The following NBAS variants were observed in gnomAD, a reference collection of about 807,000 sequenced individuals.
NBAS encodes the protein NAG/BC035112 fusion.
Under a neutral mutation model 302.5 loss-of-function variants are expected in NBAS, and 219 were observed. The observed-to-expected ratio is 0.72, with a 90% CI of 0.65 to 0.81. The LOEUF is 0.81. Among genes scored for constraint, NBAS ranks in the 30% least tolerant of loss-of-function variants. The pLI is 0.00. For synonymous variants in NBAS, 1,118 were observed against 1,021.6 expected, an observed-to-expected ratio of 1.09 and a Z score of -1.80; for missense variants, 2,932 against 2,841.6, an observed-to-expected ratio of 1.03 and a Z score of -0.72.
At chr2:14,793,916 T>TG in the NBAS span, among the ~76,000 whole-genome samples, 11 of 151,994 alleles carry the variant, frequency 7.2e-5, no homozygotes, top group Admixed American at 4.6e-4. Context: ...ACGAGTACCG[T>TG]GAAAAAAAAT....
intron 41 of NBAS, 45 bp downstream of exon 41, chr2:15,292,492 T>C (rs1424458594): frequency 6.3e-7 from 1 of 1,581,306 alleles, no homozygotes; most frequent in Non-Finnish European, 8.7e-7. Flanking sequence ...CTTATTCTTT[T>C]GCAGTTTAAA....
At chr2:15,477,219 C>A (rs991060599) in intron 13 of NBAS, among the ~76,000 whole-genome samples, 1 of 152,100 alleles carries the variant, frequency 6.6e-6, no homozygotes, top group Non-Finnish European at 1.5e-5. Flanking sequence ...GAACCTGATG[C>A]ATAATATTAA....
chr2:15,238,072 G>A (rs763374281), intron 45 of NBAS, among the ~76,000 whole-genome samples: 1 of 152,126 alleles, frequency 6.6e-6, no homozygotes, highest in Non-Finnish European at 1.5e-5. Flanking sequence ...ACCGCGCCCA[G>A]CCTATTTTTA....
At chr2:15,260,639 G>A (rs573278068) in intron 44 of NBAS, among the ~76,000 whole-genome samples, 1 of 152,210 alleles carries the variant, frequency 6.6e-6, no homozygotes, top group African/African-American at 2.4e-5. Flanking sequence ...GGTTGTAAAT[G>A]ACATTATGTT....
chr2:15,160,681 C>G, the NBAS span, among the ~76,000 whole-genome samples: 1 of 151,906 alleles, frequency 6.6e-6, no homozygotes, highest in Non-Finnish European at 1.5e-5. Context: ...AAGGGAATCC[C>G]CCATTGACCA....
intron 22 of NBAS, among the ~76,000 whole-genome samples, chr2:15,426,902 C>G (rs912198979): frequency 6.6e-6 from 1 of 152,078 alleles, no homozygotes; most frequent in South Asian, 2.1e-4. Flanking sequence ...TATCTAGAAA[C>G]CTCTTTTCAG....
the NBAS span, among the ~76,000 whole-genome samples, chr2:14,840,322 T>C: frequency 1.7e-3 from 264 of 152,096 alleles, no homozygotes; most frequent in African/African-American, 6.1e-3. Flanking sequence ...GAATTATTAG[T>C]GTCCAAGAGG....
chr2:15,202,486 C>T (rs1183697578), intron 48 of NBAS, among the ~76,000 whole-genome samples: 1 of 151,858 alleles, frequency 6.6e-6, no homozygotes. Flanking sequence ...TCATATAGTG[C>T]CATGTGACCC....
the NBAS span, among the ~76,000 whole-genome samples, chr2:15,149,167 C>T: frequency 6.6e-6 from 1 of 152,212 alleles, no homozygotes; most frequent in South Asian, 2.1e-4. Context: ...GCTTTGCCCT[C>T]ATGCATGATT....
At chr2:15,348,978 A>G (rs1389128818) in intron 35 of NBAS, among the ~76,000 whole-genome samples, 2 of 152,218 alleles carry the variant, frequency 1.3e-5, no homozygotes, top group Admixed American at 1.3e-4. Context: ...AAAATACTTC[A>G]TATGGAAGGG....
At chr2:14,993,432 C>G in the NBAS span, among the ~76,000 whole-genome samples, 2 of 152,210 alleles carry the variant, frequency 1.3e-5, no homozygotes, top group South Asian at 4.1e-4. Flanking sequence ...TCCCAAACCT[C>G]TCTTCTTTGC....
chr2:15,516,414 T>G (rs964422376), intron 9 of NBAS, among the ~76,000 whole-genome samples: 4 of 152,256 alleles, frequency 2.6e-5, no homozygotes, highest in African/African-American at 9.6e-5. Context: ...TCACTCAAAT[T>G]TGACCATATT....
chr2:14,965,235 C>T, the NBAS span, among the ~76,000 whole-genome samples: 1 of 151,980 alleles, frequency 6.6e-6, no homozygotes, highest in South Asian at 2.1e-4. Flanking sequence ...TAAAGCCAAT[C>T]AACGCAACTA....
the NBAS span, among the ~76,000 whole-genome samples, chr2:14,822,053 A>G: frequency 2.0e-5 from 3 of 151,638 alleles, no homozygotes; most frequent in Non-Finnish European, 3.0e-5. Flanking sequence ...AAAAAAATGT[A>G]ACATCCAAAA....
rs538592084 is a variant in NBAS, at chr2:15,402,249, T to G, written c.2990A>C (p.Glu997Ala). 1,101 of 1,613,648 alleles carry G rather than the reference T, an allele frequency of 6.8e-4. 23 individuals carry two copies. In the South Asian group the frequency reaches 0.011, roughly 17 times the overall value. ...DQDQLMAIALECIYTCERNDQ... is the reference protein window; with the variant it reads ...DQDQLMAIALACIYTCERNDQ... ...ATTTCGTTCACAGGTATAGATGCAC[T>G]CTAGTGCTATTGCCATCAGTTGGTC... The change falls in exon 26 of 52, where the codon GAG (glutamate) becomes GCG (alanine). Residue 997 changes from glutamate to alanine, a missense_variant. Transcript: ENST00000281513.
chr2:15,292,968 C>T (rs1488693074), intron 40 of NBAS, among the ~76,000 whole-genome samples: 1 of 152,148 alleles, frequency 6.6e-6, no homozygotes, highest in Non-Finnish European at 1.5e-5. Context: ...AGACAGGACA[C>T]AGAACTAGGC....
chr2:14,882,727 C>A, the NBAS span, among the ~76,000 whole-genome samples: 1 of 152,164 alleles, frequency 6.6e-6, no homozygotes, highest in Non-Finnish European at 1.5e-5. Flanking sequence ...TACATTTTGT[C>A]TTTAACTCTT....
intron 9 of NBAS, among the ~76,000 whole-genome samples, chr2:15,522,287 G>A (rs1253761851): frequency 6.6e-6 from 1 of 152,090 alleles, no homozygotes; most frequent in Non-Finnish European, 1.5e-5. Context: ...GGGAGGAGGA[G>A]GCATACTAAA....
Position 15,561,326 on chromosome 2 carries a change from C to T in NBAS, c.-22G>A. The T allele has an allele frequency of 1.2e-6, 2 of 1,601,362 alleles. No homozygotes were observed. ...CCATGTTCGCCGAGGACTCAGGCAG[C>T]GGAGGAGTGTCTCTACGGAATCCCT... On this transcript the variant is annotated 5_prime_UTR_variant, in exon 1 of 52. Coordinates refer to ENST00000281513, the MANE Select transcript of NBAS (RefSeq NM_015909.4).
Sources: allele counts gnomAD v4.1 joint callset (sites outside exome capture counted in the v4.1 genomes callset), GRCh38; gene constraint gnomAD v4.1.1; transcripts MANE v1.5; gene names NCBI Gene and HGNC (gene_info 2026-07-23, HGNC 2026-07-21).